The following VKORC1L1 variants were observed in gnomAD, a reference collection of about 807,000 sequenced individuals.
VKORC1L1 encodes vitamin K epoxide reductase complex subunit 1-like protein 1.
In VKORC1L1, 2 loss-of-function variants were observed where a neutral mutation model predicts 18.9. That is an observed-to-expected ratio of 0.11 (90% CI 0.04 to 0.33). The LOEUF is 0.33. VKORC1L1 is among the 10% of genes least tolerant of loss of function. The pLI, the probability that VKORC1L1 is intolerant of heterozygous loss-of-function variation, is 1.00. For missense variants in VKORC1L1, 123 were observed against 224.1 expected, an observed-to-expected ratio of 0.55 and a Z score of 2.88; for synonymous variants, 96 against 100.0, an observed-to-expected ratio of 0.96 and a Z score of 0.24.
intron 1 of VKORC1L1, among the ~76,000 whole-genome samples, chr7:65,907,680 A>C (rs1024715276): frequency 6.6e-6 from 1 of 152,164 alleles, no homozygotes; most frequent in African/African-American, 2.4e-5. Context: ...ATCAGAGAGA[A>C]AAGGTTTTAA....
chr7:65,919,910 T>C (rs1266074711), intron 1 of VKORC1L1, among the ~76,000 whole-genome samples: 2 of 152,060 alleles, frequency 1.3e-5, no homozygotes, highest in African/African-American at 2.4e-5. Flanking sequence ...ACAAAAAAAT[T>C]AGCCAGGTGG....
At chr7:65,898,686 T>G (rs1789259493) in intron 1 of VKORC1L1, among the ~76,000 whole-genome samples, 1 of 152,180 alleles carries the variant, frequency 6.6e-6, no homozygotes, top group Admixed American at 6.5e-5. Context: ...TTTTAAAATT[T>G]TTAATTGTGA....
intron 1 of VKORC1L1, among the ~76,000 whole-genome samples, chr7:65,891,994 AATTTTTTTTCTTT>A (rs1789117588): frequency 6.6e-6 from 1 of 152,134 alleles, no homozygotes; most frequent in East Asian, 1.9e-4. Context: ...ACATGGGTTC[AATTTTTTTTCTTT>A]AACTCCCACA....
In VKORC1L1 at chr7:65,910,567, A is replaced by T. The variant is rs141003984; in HGVS notation, c.194+37002A>T. Among the ~76,000 whole-genome samples, 205 of 152,366 alleles carry T rather than the reference A, an allele frequency of 1.3e-3. No individual in the cohort carries two copies. In the East Asian group the frequency reaches 0.037, roughly 28 times the overall value. ...AGAACTAGTTGTGTTTGTTGGATGT[A>T]AAACTGAGAAAAAGAGTTAGTTCTT... is the stretch of plus-strand genomic sequence containing the variant. On this transcript the variant is annotated intron_variant, in intron 1 of 2. Coordinates refer to ENST00000360768, the MANE Select transcript of VKORC1L1 (RefSeq NM_173517.6).
At chr7:65,934,215 G>A (rs1031192327) in intron 1 of VKORC1L1, among the ~76,000 whole-genome samples, 1 of 151,968 alleles carries the variant, frequency 6.6e-6, no homozygotes, top group African/African-American at 2.4e-5. Context: ...GGGCAACATA[G>A]TGAGACCCCC....
chr7:65,891,543 T>C (rs952283496), intron 1 of VKORC1L1, among the ~76,000 whole-genome samples: 5 of 152,206 alleles, frequency 3.3e-5, no homozygotes, highest in Non-Finnish European at 5.9e-5. Flanking sequence ...ATAAATGTAT[T>C]GATCCCCTCC....
Position 65,873,576 on chromosome 7 carries a change from TGGG to T in VKORC1L1, c.194+14_194+16del. 6.7e-7 allele frequency: 1 copy of T among 1,491,354 alleles called. No homozygotes were observed. The highest frequency in any genetic ancestry group is 8.9e-7 in the Non-Finnish European group (1 of 1,119,074). 92.4% of individuals were successfully genotyped at this position (1,491,354 alleles called of 1,614,324 possible). A position where few individuals can be genotyped will look rare whatever the true frequency, so the allele number is the denominator to read the frequency against. ...CGCCCTTGCCTCCAGGTAGCCGGCTTGGGGGAGTGGGCCAGGAGCGGCCGAGCG... is the reference window on the plus strand; with the variant it reads ...CGCCCTTGCCTCCAGGTAGCCGGCTTGGAGTGGGCCAGGAGCGGCCGAGCG... On this transcript the variant is annotated intron_variant, in intron 1 of 2. Transcript: ENST00000360768.
intron 1 of VKORC1L1, among the ~76,000 whole-genome samples, chr7:65,945,103 A>C (rs975682677): frequency 6.6e-6 from 1 of 151,742 alleles, no homozygotes; most frequent in Non-Finnish European, 1.5e-5. Flanking sequence ...TCTACTGAAA[A>C]TACAAAAATT....
upstream of VKORC1L1, among the ~76,000 whole-genome samples, chr7:65,872,110 C>T (rs1343124084): frequency 6.6e-6 from 1 of 152,188 alleles, no homozygotes; most frequent in African/African-American, 2.4e-5. Context: ...CACCAGGAAG[C>T]TCAGAGCCAA....
intron 1 of VKORC1L1, among the ~76,000 whole-genome samples, chr7:65,909,968 G>A (rs1209824591): frequency 1.3e-5 from 2 of 151,926 alleles, no homozygotes; most frequent in South Asian, 2.1e-4. Context: ...CACCCACCTC[G>A]GCCTCCCAAA....
intron 1 of VKORC1L1, among the ~76,000 whole-genome samples, chr7:65,914,049 A>T (rs888577168): frequency 2.6e-5 from 4 of 152,182 alleles, no homozygotes; most frequent in African/African-American, 4.8e-5. Context: ...ATAAAAAAAT[A>T]AAAATGTGTC....
intron 1 of VKORC1L1, among the ~76,000 whole-genome samples, chr7:65,948,199 T>C (rs1790153941): frequency 6.6e-6 from 1 of 152,144 alleles, no homozygotes. Flanking sequence ...GGAGGAGTAC[T>C]GGCAGCATCT....
intron 1 of VKORC1L1, among the ~76,000 whole-genome samples, chr7:65,927,079 G>C (rs1350972114): frequency 6.6e-6 from 1 of 152,122 alleles, no homozygotes; most frequent in African/African-American, 2.4e-5. Flanking sequence ...TTGAGGCCAG[G>C]AGTTCAAGAC....
intron 1 of VKORC1L1, among the ~76,000 whole-genome samples, chr7:65,910,143 A>C (rs1241386347): frequency 6.6e-6 from 1 of 152,230 alleles, no homozygotes; most frequent in Non-Finnish European, 1.5e-5. Flanking sequence ...AGTTGGAAAC[A>C]AACTTGTTTC....
upstream of VKORC1L1, among the ~76,000 whole-genome samples, chr7:65,870,679 CA>C (rs1363070918): frequency 6.6e-6 from 1 of 152,132 alleles, no homozygotes; most frequent in Non-Finnish European, 1.5e-5. Context: ...GCCAGATGAT[CA>C]AGAGATCTCA....
At chr7:65,897,943 A>G (rs1458635791) in intron 1 of VKORC1L1, among the ~76,000 whole-genome samples, 6 of 152,272 alleles carry the variant, frequency 3.9e-5, no homozygotes, top group Non-Finnish European at 8.8e-5. Context: ...ACTCTTGTAT[A>G]TGTGGGGCTT....
At chr7:65,906,163 G>A (rs1583839246) in intron 1 of VKORC1L1, among the ~76,000 whole-genome samples, 2 of 151,588 alleles carry the variant, frequency 1.3e-5, no homozygotes, top group South Asian at 2.1e-4. Flanking sequence ...GGCCAGGCAC[G>A]GTGGCTCATG....
chr7:65,908,755 C>T (rs1030104931), intron 1 of VKORC1L1, among the ~76,000 whole-genome samples: 4 of 143,624 alleles, frequency 2.8e-5, no homozygotes, highest in Non-Finnish European at 6.0e-5. Flanking sequence ...GAGAATTGCT[C>T]GAACCTCAGA....
At chr7:65,952,398 A>AG (rs1256054243) in intron 2 of VKORC1L1, among the ~76,000 whole-genome samples, 1 of 152,246 alleles carries the variant, frequency 6.6e-6, no homozygotes, top group Non-Finnish European at 1.5e-5. Context: ...TTACAAAAGC[A>AG]GGTAGCTGGC....
Sources: allele counts gnomAD v4.1 joint callset (sites outside exome capture counted in the v4.1 genomes callset), GRCh38; gene constraint gnomAD v4.1.1; transcripts MANE v1.5; gene names NCBI Gene and HGNC (gene_info 2026-07-23, HGNC 2026-07-21).